Variants in ELAVL4 observed in about 807,000 individuals in gnomAD.
ELAVL4 encodes the protein ELAV like RNA binding protein 4.
A neutral mutation model predicts 35.6 loss-of-function variants in ELAVL4; 1 was observed. That is an observed-to-expected ratio of 0.03 (90% CI 0.01 to 0.13). The LOEUF is 0.13. Among genes scored for constraint, ELAVL4 ranks in the 10% least tolerant of loss-of-function variants. The probability of loss-of-function intolerance (pLI) is 1.00; values close to 1 mark genes in which losing one functional copy is unlikely to be tolerated. For synonymous variants in ELAVL4, 156 were observed against 171.0 expected, an observed-to-expected ratio of 0.91 and a Z score of 0.69; for missense variants, 267 against 464.9, an observed-to-expected ratio of 0.57 and a Z score of 3.91.
At chr1:50,075,947 C>T (rs1384096901) in intron 1 of ELAVL4, among the ~76,000 whole-genome samples, 1 of 152,064 alleles carries the variant, frequency 6.6e-6, no homozygotes, top group Non-Finnish European at 1.5e-5. Flanking sequence ...CATGCCTCAG[C>T]CTCCTGAGTA....
chr1:50,055,844 G>A (rs1663632875), intron 1 of ELAVL4, among the ~76,000 whole-genome samples: 1 of 152,072 alleles, frequency 6.6e-6, no homozygotes, highest in Non-Finnish European at 1.5e-5. Context: ...ATTTCAGAGA[G>A]GTAGGGTGGA....
chr1:50,052,370 A>G (rs1663430594), intron 1 of ELAVL4, among the ~76,000 whole-genome samples: 1 of 152,174 alleles, frequency 6.6e-6, no homozygotes, highest in Non-Finnish European at 1.5e-5. Flanking sequence ...ATTATAACTG[A>G]AGCTGAGTTA....
rs1351202940 is a variant in ELAVL4 at position 50,076,279 on chromosome 1, G to C, written c.18+28097G>C. On this transcript the variant is annotated intron_variant, in intron 1 of 6. Coordinates refer to the ELAVL4 transcript ENST00000448907. ...ACTTTCCACAGTTTCAGTGACCCTT[G>C]GTACTTGACCTTGATCCCAACCTTC... is the stretch of plus-strand genomic sequence containing the variant. Among the ~76,000 whole-genome samples the C allele has an allele frequency of 2.0e-5, 3 of 152,048 alleles. No homozygotes were observed. In the East Asian group the frequency reaches 5.8e-4, roughly 29 times the overall value.
intron 1 of ELAVL4, among the ~76,000 whole-genome samples, chr1:50,073,709 G>A (rs1450827554): frequency 1.3e-5 from 2 of 151,988 alleles, no homozygotes; most frequent in African/African-American, 4.8e-5. Context: ...TTAACTTTTG[G>A]TCGTCCACTG....
At chr1:50,172,965 T>C (rs189667589) in intron 2 of ELAVL4, among the ~76,000 whole-genome samples, 38 of 152,304 alleles carry the variant, frequency 2.5e-4, no homozygotes, top group African/African-American at 8.9e-4. Flanking sequence ...AGTCAGTTTA[T>C]TGTTGTGTCC....
At chr1:50,189,956 T>C (rs1184281121) in intron 3 of ELAVL4, among the ~76,000 whole-genome samples, 2 of 152,192 alleles carry the variant, frequency 1.3e-5, no homozygotes, top group African/African-American at 4.8e-5. Context: ...GGGAAGACTG[T>C]GAGCACCAGG....
intron 5 of ELAVL4, 101 bp downstream of exon 5, chr1:50,195,887 C>T: frequency 7.5e-7 from 1 of 1,338,072 alleles, no homozygotes; most frequent in East Asian, 2.4e-5. Flanking sequence ...AGGGTAAAAG[C>T]TTCCACCCCC....
At chr1:50,097,375 A>G (rs927925348) in intron 1 of ELAVL4, among the ~76,000 whole-genome samples, 1 of 152,232 alleles carries the variant, frequency 6.6e-6, no homozygotes, top group Non-Finnish European at 1.5e-5. Flanking sequence ...TCAGTTGAAA[A>G]TCTGAGTAAA....
At chr1:50,072,600 C>T (rs1439140174) in intron 1 of ELAVL4, among the ~76,000 whole-genome samples, 3 of 152,198 alleles carry the variant, frequency 2.0e-5, no homozygotes, top group Non-Finnish European at 4.4e-5. Context: ...AGTGGGGACA[C>T]ACATCCTCCT....
chr1:50,109,655 G>T (rs916012978), intron 1 of ELAVL4: 2 of 482,692 alleles, frequency 4.1e-6, no homozygotes, highest in Non-Finnish European at 7.5e-6. Context: ...CCTGGATACT[G>T]AACACTGAGA....
chr1:50,125,207 C>T (rs1380267319), intron 1 of ELAVL4, among the ~76,000 whole-genome samples: 1 of 151,350 alleles, frequency 6.6e-6, no homozygotes, highest in African/African-American at 2.4e-5. Context: ...CCACTGCACT[C>T]CAGCTTAGGT....
intron 1 of ELAVL4, among the ~76,000 whole-genome samples, chr1:50,095,942 C>T (rs1466254071): frequency 6.6e-6 from 1 of 152,066 alleles, no homozygotes; most frequent in Admixed American, 6.6e-5. Context: ...TGATTTTAGT[C>T]ACTTGAACAT....
chr1:50,084,555 G>A (rs757104119), intron 1 of ELAVL4, among the ~76,000 whole-genome samples: 1 of 151,810 alleles, frequency 6.6e-6, no homozygotes, highest in African/African-American at 2.4e-5. Flanking sequence ...ATATGGCTCT[G>A]CCTCCCTCCC....
chr1:50,147,509 G>A (rs1673932542), intron 2 of ELAVL4, among the ~76,000 whole-genome samples: 1 of 152,162 alleles, frequency 6.6e-6, no homozygotes, highest in South Asian at 2.1e-4. Flanking sequence ...AAATGGGGAA[G>A]GAGTGGGAAT....
intron 1 of ELAVL4, among the ~76,000 whole-genome samples, chr1:50,098,481 T>A (rs1219369740): frequency 6.6e-6 from 1 of 152,142 alleles, no homozygotes. Flanking sequence ...TAAAGGAAGG[T>A]TAACATGAAA....
chr1:50,055,343 A>G (rs1663601641), intron 1 of ELAVL4, among the ~76,000 whole-genome samples: 1 of 151,618 alleles, frequency 6.6e-6, no homozygotes, highest in South Asian at 2.1e-4. Context: ...TCTTTCTCCC[A>G]GGCTGGAGTG....
At chr1:50,128,720 A>T (rs1238084275) in intron 1 of ELAVL4, among the ~76,000 whole-genome samples, 1 of 152,128 alleles carries the variant, frequency 6.6e-6, no homozygotes, top group East Asian at 1.9e-4. Flanking sequence ...GCTTATGTGC[A>T]GAGTGTGGCA....
chr1:50,106,985 A>T (rs1013751207), upstream of ELAVL4, among the ~76,000 whole-genome samples: 6 of 152,202 alleles, frequency 3.9e-5, no homozygotes, highest in Non-Finnish European at 7.4e-5. Context: ...CCTCCAGAGA[A>T]ATCTAAGTAA....
intron 1 of ELAVL4, among the ~76,000 whole-genome samples, chr1:50,070,066 T>C (rs1161996494): frequency 6.6e-6 from 1 of 152,208 alleles, no homozygotes; most frequent in Non-Finnish European, 1.5e-5. Context: ...TAGCATAGAA[T>C]TGATATATTT....
Sources: allele counts gnomAD v4.1 joint callset (sites outside exome capture counted in the v4.1 genomes callset), GRCh38; gene constraint gnomAD v4.1.1; transcripts MANE v1.5; gene names NCBI Gene and HGNC (gene_info 2026-07-23, HGNC 2026-07-21).